Variants in CDH13 observed in about 807,000 individuals in gnomAD.
The protein encoded by CDH13 is cadherin 13, also known as cadherin-13.
A neutral mutation model predicts 63.8 loss-of-function variants in CDH13; 24 were observed. That is an observed-to-expected ratio of 0.38 (90% CI 0.27 to 0.53). The LOEUF (loss-of-function observed/expected upper bound fraction) is 0.53, where lower values mean the gene tolerates loss of function less well. Among genes scored for constraint, CDH13 ranks in the 20% least tolerant of loss-of-function variants. The pLI, the probability that CDH13 is intolerant of heterozygous loss-of-function variation, is 0.85. For synonymous variants in CDH13, 503 were observed against 355.3 expected (o/e 1.42, Z -4.67); for missense variants, 1,049 against 903.1 (o/e 1.16, Z -2.07).
chr16:83,108,110 C>T lies in CDH13; in HGVS notation c.367-17275C>T, dbSNP rs141601253. Among the ~76,000 whole-genome samples the T allele has an allele frequency of 2.2e-4, 33 of 152,164 alleles. No homozygotes were observed. The East Asian group carries it at 4.8e-3, about 22-fold the overall frequency. On this transcript the variant is annotated intron_variant, in intron 3 of 13. Transcript: ENST00000567109. ...TGCTGGGATTACAGACATGAGCCACCGCGCCCAGCCCCTCTTTTTCTTTTT... is the reference window on the plus strand; with the variant it reads ...TGCTGGGATTACAGACATGAGCCACTGCGCCCAGCCCCTCTTTTTCTTTTT...
At chr16:82,730,564 C>T (rs2033348920) in intron 1 of CDH13, among the ~76,000 whole-genome samples, 1 of 152,106 alleles carries the variant, frequency 6.6e-6, no homozygotes, top group South Asian at 2.1e-4. Context: ...TCACAGATCA[C>T]CATGACAGAT....
chr16:82,974,666 G>A (rs1478968726), intron 2 of CDH13, among the ~76,000 whole-genome samples: 1 of 152,074 alleles, frequency 6.6e-6, no homozygotes, highest in Non-Finnish European at 1.5e-5. Context: ...GTCCTTATCA[G>A]AAAAAGGAGG....
intron 4 of CDH13, among the ~76,000 whole-genome samples, chr16:83,137,322 C>G (rs1449572922): frequency 1.3e-5 from 2 of 152,170 alleles, no homozygotes; most frequent in African/African-American, 2.4e-5. Context: ...TCTCCTAAGG[C>G]TGGAAAATTC....
chr16:82,930,446 G>T (rs1189369554), intron 2 of CDH13, among the ~76,000 whole-genome samples: 1 of 134,576 alleles, frequency 7.4e-6, no homozygotes, highest in Admixed American at 7.3e-5. Flanking sequence ...CTTAACTATG[G>T]ATTATATGGG....
Position 82,648,550 on chromosome 16 carries a change from T to A in CDH13, c.45+21413T>A, listed in dbSNP as rs553427953. ...TGAGAATTGAATACTAAACAGGAGATTGTGTGTGCAGTAGGATTCCTACAA... is the reference window on the plus strand; with the variant it reads ...TGAGAATTGAATACTAAACAGGAGAATGTGTGTGCAGTAGGATTCCTACAA... On this transcript the variant is annotated intron_variant, in intron 1 of 13. Transcript: ENST00000567109. Among the ~76,000 whole-genome samples, 32 of 152,156 alleles carry A rather than the reference T, an allele frequency of 2.1e-4. 1 individual carries two copies. The highest frequency in any genetic ancestry group is 3.6e-4 in the African/African-American group (15 of 41,514).
At chr16:82,841,051 T>C (rs1487540175) in intron 1 of CDH13, among the ~76,000 whole-genome samples, 1 of 152,170 alleles carries the variant, frequency 6.6e-6, no homozygotes, top group African/African-American at 2.4e-5. Context: ...AGAAGGCAAA[T>C]GGTACTTGCT....
At chr16:83,741,790 T>TC (rs1327326783) in intron 10 of CDH13, among the ~76,000 whole-genome samples, 1 of 151,890 alleles carries the variant, frequency 6.6e-6, no homozygotes, top group Non-Finnish European at 1.5e-5. Flanking sequence ...ACATCAGGGG[T>TC]CCCCAACCCC....
chr16:82,993,821 G>C (rs976312316), intron 2 of CDH13, among the ~76,000 whole-genome samples: 1 of 152,138 alleles, frequency 6.6e-6, no homozygotes, highest in South Asian at 2.1e-4. Flanking sequence ...ACGTCATTTT[G>C]ACAGGGTTAT....
At chr16:83,034,962 C>T (rs1177513170) in intron 3 of CDH13, among the ~76,000 whole-genome samples, 3 of 152,164 alleles carry the variant, frequency 2.0e-5, no homozygotes, top group South Asian at 2.1e-4. Context: ...CGGAGGCTGC[C>T]GTGTCCTTCA....
intron 12 of CDH13, among the ~76,000 whole-genome samples, chr16:83,782,823 A>C (rs887893047): frequency 6.6e-6 from 1 of 152,036 alleles, no homozygotes; most frequent in Non-Finnish European, 1.5e-5. Flanking sequence ...GCCCACATTG[A>C]GAGCAGGTGG....
intron 6 of CDH13, among the ~76,000 whole-genome samples, chr16:83,403,312 A>C (rs2091995052): frequency 6.6e-6 from 1 of 152,110 alleles, no homozygotes; most frequent in Non-Finnish European, 1.5e-5. Context: ...AAATCCTGAG[A>C]CTTGGAGGAA....
intron 1 of CDH13, among the ~76,000 whole-genome samples, chr16:82,806,489 G>GT (rs1240456782): frequency 2.0e-5 from 3 of 151,958 alleles, no homozygotes; most frequent in South Asian, 4.1e-4. Context: ...TGAGCTCTCT[G>GT]TTTTTTGTTT....
chr16:83,241,319 C>T (rs1904425105), intron 5 of CDH13, among the ~76,000 whole-genome samples: 1 of 152,188 alleles, frequency 6.6e-6, no homozygotes, highest in Non-Finnish European at 1.5e-5. Context: ...TCTTTCAGAT[C>T]CTTCTTCAAA....
chr16:82,801,837 G>A (rs541131027), intron 1 of CDH13, among the ~76,000 whole-genome samples: 39 of 152,290 alleles, frequency 2.6e-4, no homozygotes, highest in African/African-American at 8.7e-4. Context: ...GTTCACGTTC[G>A]TGCCAACTCC....
chr16:83,058,024 A>G (rs890560244), intron 3 of CDH13, among the ~76,000 whole-genome samples: 1 of 152,272 alleles, frequency 6.6e-6, no homozygotes, highest in South Asian at 2.1e-4. Context: ...CATGACTCAC[A>G]GCAACTTTAC....
chr16:83,174,525 C>G (rs1331593436), intron 4 of CDH13, among the ~76,000 whole-genome samples: 1 of 151,950 alleles, frequency 6.6e-6, no homozygotes, highest in Non-Finnish European at 1.5e-5. Context: ...ATAAAGAGGA[C>G]CCTTTATGCT....
chr16:82,917,022 A>G (rs1456326255), intron 2 of CDH13, among the ~76,000 whole-genome samples: 2 of 152,240 alleles, frequency 1.3e-5, no homozygotes, highest in East Asian at 3.8e-4. Flanking sequence ...GTGATCGTTG[A>G]CAAACATAAG....
intron 7 of CDH13, among the ~76,000 whole-genome samples, chr16:83,510,081 A>G (rs2074521338): frequency 1.3e-5 from 2 of 152,246 alleles, no homozygotes; most frequent in East Asian, 1.9e-4. Context: ...TCAGCCCAGT[A>G]GCCCTGTGAA....
chr16:83,247,504 TTAA>T (rs921504495), intron 5 of CDH13, among the ~76,000 whole-genome samples: 53 of 151,770 alleles, frequency 3.5e-4, no homozygotes, highest in African/African-American at 1.3e-3. Flanking sequence ...CACTTTTTTT[TTAA>T]TTAACAGTGT....
Sources: gnomAD v4.1 joint callset for allele counts (sites outside exome capture counted in the v4.1 genomes callset) on GRCh38, gnomAD v4.1.1 for gene constraint, MANE v1.5 for transcripts, NCBI Gene and HGNC (gene_info 2026-07-23, HGNC 2026-07-21) for gene names.